Variants in YY1 observed in about 807,000 individuals in gnomAD.
The protein encoded by YY1 is YY1 transcription factor.
YY1 carries 2 observed loss-of-function variants against 35.6 expected under a neutral mutation model. That is an observed-to-expected ratio of 0.06 (90% confidence interval 0.02 to 0.18). The LOEUF (loss-of-function observed/expected upper bound fraction) is 0.18. Ranked by LOEUF, YY1 falls within the 10% of genes least tolerant of loss-of-function variation. YY1 has a pLI of 1.00. For synonymous variants in YY1, 268 were observed against 238.9 expected, an observed-to-expected ratio of 1.12 and a Z score of -1.12; for missense variants, 322 against 573.4, an observed-to-expected ratio of 0.56 and a Z score of 4.48.
chr14:100,248,933 C>G (rs920185716), intron 1 of YY1, among the ~76,000 whole-genome samples: 1 of 151,666 alleles, frequency 6.6e-6, no homozygotes, highest in Admixed American at 6.6e-5. Flanking sequence ...ATGATCGGCC[C>G]GCCTTGGTCT....
intron 1 of YY1, among the ~76,000 whole-genome samples, chr14:100,253,496 C>CA (rs1890954943): frequency 6.6e-6 from 1 of 152,212 alleles, no homozygotes; most frequent in Non-Finnish European, 1.5e-5. Context: ...CGGCTCACTG[C>CA]AACCTCTGCG....
chr14:100,261,418 G>T (rs1054885688), intron 1 of YY1, among the ~76,000 whole-genome samples: 1 of 152,056 alleles, frequency 6.6e-6, no homozygotes, highest in South Asian at 2.1e-4. Context: ...TCAAACTCCT[G>T]ATTGCAAGCA....
Position 100,239,761 on chromosome 14 carries a change from A to C in YY1, c.517A>C (p.Lys173Gln). ...GSSSSGGGRV[K>Q]KGGGKKSGKK... ...GTCGTCGTCGGGAGGCGGCCGCGTC[A>C]AGAAGGGCGGCGGCAAGAAGAGCGG... Residue 173 changes from lysine to glutamine, a missense_variant, in exon 1 of 5, where the codon AAG becomes CAG. Around this residue, in one of 4 missense-constraint regions of YY1, gnomAD observed 152 missense variants for 167.1 expected, o/e 0.91. Coordinates refer to ENST00000262238, the MANE Select transcript of YY1 (RefSeq NM_003403.5). The C allele has an allele frequency of 6.3e-7, 1 of 1,578,014 alleles. No homozygotes were observed.
chr14:100,272,054 A>G (rs956594061), intron 2 of YY1, among the ~76,000 whole-genome samples: 3 of 151,994 alleles, frequency 2.0e-5, no homozygotes, highest in African/African-American at 7.2e-5. Flanking sequence ...TGAATTGAAA[A>G]TGTTCTCGTG....
At chr14:100,269,168 C>T (rs1176563392) in intron 2 of YY1, among the ~76,000 whole-genome samples, 12 of 152,158 alleles carry the variant, frequency 7.9e-5, no homozygotes, top group Non-Finnish European at 1.6e-4. Context: ...CATGCTTTCT[C>T]CAGTTTCTCA....
At chr14:100,259,745 A>G (rs1355424637) in intron 1 of YY1, among the ~76,000 whole-genome samples, 2 of 152,212 alleles carry the variant, frequency 1.3e-5, no homozygotes, top group Non-Finnish European at 2.9e-5. Flanking sequence ...ACCTCCTGCC[A>G]TGCACTTGTG....
chr14:100,244,787 C>G (rs1890806883), intron 1 of YY1, among the ~76,000 whole-genome samples: 1 of 151,982 alleles, frequency 6.6e-6, no homozygotes, highest in Non-Finnish European at 1.5e-5. Flanking sequence ...GTGTCAAACT[C>G]CTGGGCTCCA....
intron 1 of YY1, among the ~76,000 whole-genome samples, chr14:100,258,822 A>C (rs144972336): frequency 9.2e-5 from 14 of 152,376 alleles, no homozygotes; most frequent in Admixed American, 4.6e-4. Flanking sequence ...AGTCATGTAA[A>C]GTTTACAATT....
At chr14:100,266,816 C>G (rs772883841) in intron 2 of YY1, among the ~76,000 whole-genome samples, 4 of 152,138 alleles carry the variant, frequency 2.6e-5, no homozygotes, top group Non-Finnish European at 4.4e-5. Context: ...ATTGATCCAG[C>G]AAAGCTATCA....
chr14:100,253,925 GGTTCTAGCA>G (rs1388748882), intron 1 of YY1, among the ~76,000 whole-genome samples: 4 of 152,066 alleles, frequency 2.6e-5, no homozygotes, highest in Non-Finnish European at 5.9e-5. Flanking sequence ...CTGCCTCCTG[GGTTCTAGCA>G]GTTCTCCTGC....
intron 2 of YY1, among the ~76,000 whole-genome samples, chr14:100,269,227 C>G (rs1216278192): frequency 6.6e-6 from 1 of 152,164 alleles, no homozygotes; most frequent in Non-Finnish European, 1.5e-5. Flanking sequence ...TAGCTAGACC[C>G]ATTTCACACA....
chr14:100,244,294 A>C (rs1362874741), intron 1 of YY1, among the ~76,000 whole-genome samples: 1 of 145,154 alleles, frequency 6.9e-6, no homozygotes, highest in Non-Finnish European at 1.5e-5. Context: ...GGATCCTTAG[A>C]GATTGGCTTT....
At chr14:100,271,595 A>T (rs1891239379) in intron 2 of YY1, among the ~76,000 whole-genome samples, 1 of 151,940 alleles carries the variant, frequency 6.6e-6, no homozygotes, top group African/African-American at 2.4e-5. Flanking sequence ...TAAGGCTAGG[A>T]CTCGGGTTTA....
chr14:100,260,464 T>C (rs1308767529), intron 1 of YY1, among the ~76,000 whole-genome samples: 3 of 113,610 alleles, frequency 2.6e-5, no homozygotes, highest in Non-Finnish European at 3.4e-5. Flanking sequence ...CACACACATA[T>C]ATGTATTTTT....
chr14:100,273,315 T>G (rs1035149964), intron 2 of YY1, among the ~76,000 whole-genome samples: 5 of 151,778 alleles, frequency 3.3e-5, no homozygotes, highest in East Asian at 1.9e-4. Flanking sequence ...CAATACAGAG[T>G]TTCGTTCTGT....
At chr14:100,264,722 G>A (rs541633208) in intron 2 of YY1, among the ~76,000 whole-genome samples, 15 of 152,304 alleles carry the variant, frequency 9.8e-5, no homozygotes, top group Non-Finnish European at 1.5e-4. Context: ...ATTCATACAG[G>A]CACAGGAAAT....
At chr14:100,255,494 C>T (rs1177631027) in intron 1 of YY1, among the ~76,000 whole-genome samples, 1 of 152,090 alleles carries the variant, frequency 6.6e-6, no homozygotes, top group Non-Finnish European at 1.5e-5. Flanking sequence ...TGGTGTGCCC[C>T]TGTGATCCCA....
intron 1 of YY1, among the ~76,000 whole-genome samples, chr14:100,260,771 C>CCTTTTTTTTTTT (rs1891073821): frequency 2.4e-5 from 1 of 42,540 alleles, no homozygotes; most frequent in Admixed American, 3.5e-4. Context: ...GTGCCTGGTC[C>CCTTTTTTTTTTT]TTTTTTTTTT....
intron 2 of YY1, among the ~76,000 whole-genome samples, chr14:100,270,262 CAAAAAAAAAAAAAAAA>C (rs55649674): frequency 1.4e-4 from 6 of 43,522 alleles, no homozygotes; most frequent in Non-Finnish European, 1.9e-4. Flanking sequence ...GACTCTGTCT[CAAAAAAAAAAAAAAAA>C]AAAAAAAAAA....
Sources: gnomAD v4.1 joint callset for allele counts (sites outside exome capture counted in the v4.1 genomes callset) on GRCh38, gnomAD v4.1.1 for gene constraint, gnomAD v4.1.1 regional missense constraint, MANE v1.5 for transcripts, NCBI Gene and HGNC (gene_info 2026-07-23, HGNC 2026-07-21) for gene names.